The following KAZN variants were observed in gnomAD, a reference collection of about 807,000 sequenced individuals.
The protein encoded by KAZN is kazrin.
Under a neutral mutation model 87.4 loss-of-function variants are expected in KAZN, and 40 were observed. That is an observed-to-expected ratio of 0.46 (90% confidence interval 0.36 to 0.60). The LOEUF (loss-of-function observed/expected upper bound fraction) is 0.60. Ranked by LOEUF, KAZN falls within the 20% of genes least tolerant of loss-of-function variation. The probability of loss-of-function intolerance (pLI) is 0.00; values close to 1 mark genes in which losing one functional copy is unlikely to be tolerated. For synonymous variants in KAZN, 466 were observed against 458.3 expected (o/e 1.02, Z -0.22); for missense variants, 898 against 1,073.9 (o/e 0.84, Z 2.29).
At chr1:14,993,193 C>T (rs111418908) in intron 2 of KAZN, among the ~76,000 whole-genome samples, 3,223 of 150,344 alleles carry the variant, frequency 0.021, 119 homozygotes, top group African/African-American at 0.074. Flanking sequence ...TCAGGCCAGG[C>T]GCGGTGGCTC....
intron 1 of KAZN, among the ~76,000 whole-genome samples, chr1:13,936,096 G>GATTTTTTTTTT (rs1640726491): frequency 1.2e-5 from 1 of 84,838 alleles, no homozygotes; most frequent in Non-Finnish European, 2.2e-5. Flanking sequence ...TACAAGTGCA[G>GATTTTTTTTTT]TTTTTTTTTT....
intron 1 of KAZN, among the ~76,000 whole-genome samples, chr1:14,089,008 A>T (rs1475360627): frequency 6.6e-6 from 1 of 151,628 alleles, no homozygotes; most frequent in African/African-American, 2.4e-5. Context: ...TAAAAAAAAA[A>T]ATCCAGACTT....
At chr1:15,032,906 G>C (rs923898947) in intron 2 of KAZN, among the ~76,000 whole-genome samples, 2 of 151,752 alleles carry the variant, frequency 1.3e-5, no homozygotes, top group African/African-American at 4.8e-5. Flanking sequence ...CCGAAATCGC[G>C]GCACTGTACT....
In KAZN at chr1:14,118,279, C is replaced by A. The variant is rs986102382; in HGVS notation, c.92-62156C>A. 2.6e-5 allele frequency among the ~76,000 whole-genome samples: 4 copies of A among 152,290 alleles called. No individual in the cohort carries two copies. The East Asian group carries it at 7.7e-4, about 29-fold the overall frequency. ...TTAATCCTTTTAGAGAGAAACAAAT[C>A]TATCAGTAGGGGCCAAGGCTCTAGA... On this transcript the variant is annotated intron_variant, in intron 1 of 16. Transcript: ENST00000636203.
At chr1:14,882,680 C>T (rs940526742) in intron 1 of KAZN, among the ~76,000 whole-genome samples, 7 of 152,170 alleles carry the variant, frequency 4.6e-5, no homozygotes, top group South Asian at 2.1e-4. Flanking sequence ...CTTCTTCTCC[C>T]TGCACGTGGA....
At chr1:14,245,558 A>T (rs565416573) in intron 2 of KAZN, among the ~76,000 whole-genome samples, 4 of 152,288 alleles carry the variant, frequency 2.6e-5, no homozygotes, top group African/African-American at 9.6e-5. Context: ...ATTTTTGAAC[A>T]TATATCCCTG....
chr1:14,417,011 T>TGTGTATGTATATATATGTACAC (rs144606714), intron 2 of KAZN, among the ~76,000 whole-genome samples: 11 of 145,598 alleles, frequency 7.6e-5, no homozygotes, highest in African/African-American at 2.8e-4. Context: ...TATATATATG[T>TGTGTATGTATATATATGTACAC]ACACACACAC....
rs915883294 is a variant in KAZN, at chr1:14,668,849, G to A, written c.226+69626G>A. On this transcript the variant is annotated intron_variant, in intron 1 of 14. Coordinates refer to ENST00000376030, the MANE Select transcript of KAZN (RefSeq NM_201628.3). ...TGGCATGAAGCCGGCTGCAGCTCACGCAGCTTGACATCAATTTGTAACTGC... is the reference window on the plus strand; with the variant it reads ...TGGCATGAAGCCGGCTGCAGCTCACACAGCTTGACATCAATTTGTAACTGC... 1.2e-4 allele frequency among the ~76,000 whole-genome samples: 18 copies of A among 152,192 alleles called. No homozygotes were observed. The South Asian group carries it at 1.2e-3, about 10-fold the overall frequency.
At chr1:14,403,702 A>G (rs548410063) in intron 2 of KAZN, among the ~76,000 whole-genome samples, 1 of 152,344 alleles carries the variant, frequency 6.6e-6, no homozygotes, top group East Asian at 1.9e-4. Flanking sequence ...CTGGAACTGC[A>G]ACTAGTAACG....
At chr1:14,381,174 A>G (rs1417341346) in intron 2 of KAZN, among the ~76,000 whole-genome samples, 1 of 152,204 alleles carries the variant, frequency 6.6e-6, no homozygotes, top group Non-Finnish European at 1.5e-5. Context: ...CTGACTATAT[A>G]ATGACAAAGG....
intron 2 of KAZN, among the ~76,000 whole-genome samples, chr1:14,350,061 G>A (rs1190737484): frequency 2.0e-5 from 3 of 150,656 alleles, no homozygotes; most frequent in African/African-American, 4.9e-5. Context: ...GTGAACCTGG[G>A]AGGCGGAGCT....
Position 14,773,619 on chromosome 1 carries a change from C to T in KAZN, c.226+174396C>T, listed in dbSNP as rs935371544. 3.9e-5 allele frequency among the ~76,000 whole-genome samples: 6 copies of T among 152,186 alleles called. No individual in the cohort carries two copies. The highest frequency in any genetic ancestry group is 6.5e-5 in the Admixed American group (1 of 15,278). On this transcript the variant is annotated intron_variant, in intron 1 of 14. Transcript: ENST00000376030. This position sits in a 1 kb window ranked among gnomAD's most constrained non-coding sequence, Gnocchi z 5.9. ...AGGGAGTTGGAAATGAGGTCAGGCA[C>T]CCGCCACCCGGTTCTCCTTCTTCCT... is the stretch of plus-strand genomic sequence containing the variant.
At chr1:13,937,599 C>T (rs904243560) in intron 1 of KAZN, among the ~76,000 whole-genome samples, 3 of 152,172 alleles carry the variant, frequency 2.0e-5, no homozygotes, top group African/African-American at 7.2e-5. Context: ...GTTCTTTGGC[C>T]TATACCAATG....
At chr1:14,027,831 G>T (rs908705597) in intron 1 of KAZN, among the ~76,000 whole-genome samples, 1 of 152,074 alleles carries the variant, frequency 6.6e-6, no homozygotes, top group South Asian at 2.1e-4. Flanking sequence ...TCTCTCTAAG[G>T]CTGGTGATGA....
At chr1:14,478,255 AAGGAAG>A (rs1299011084) in intron 2 of KAZN, among the ~76,000 whole-genome samples, 1 of 142,550 alleles carries the variant, frequency 7.0e-6, no homozygotes, top group African/African-American at 2.6e-5. Flanking sequence ...GAAAAGAAGG[AAGGAAG>A]GAAGGAAGGA....
Position 14,371,148 on chromosome 1 carries a change from T to C in KAZN, c.249+190556T>C, listed in dbSNP as rs183635921. ...CTTACTAAAACACAGCTGGGCCCCA[T>C]CTCAGAGTTCCAGGTTCAGTTAGTT... On this transcript the variant is annotated intron_variant, in intron 2 of 16. Transcript: ENST00000636203. Among the ~76,000 whole-genome samples the C allele has an allele frequency of 2.9e-3, 439 of 152,248 alleles. 3 individuals carry two copies. The highest frequency in any genetic ancestry group is 0.01 in the African/African-American group (419 of 41,532).
chr1:14,497,980 C>G (rs1170988692), intron 2 of KAZN, among the ~76,000 whole-genome samples: 1 of 152,324 alleles, frequency 6.6e-6, no homozygotes, highest in East Asian at 1.9e-4. Flanking sequence ...TCAAGCTTTG[C>G]AGCCTGGCAC....
At chr1:14,673,377 G>A (rs1640030391) in intron 1 of KAZN, among the ~76,000 whole-genome samples, 1 of 152,226 alleles carries the variant, frequency 6.6e-6, no homozygotes, top group Admixed American at 6.5e-5. Context: ...GTGGCCCATT[G>A]CACTGAGCCT....
intron 2 of KAZN, among the ~76,000 whole-genome samples, chr1:14,234,445 C>G (rs1476310722): frequency 6.6e-6 from 1 of 152,070 alleles, no homozygotes; most frequent in Non-Finnish European, 1.5e-5. Flanking sequence ...AGGAGAAATA[C>G]CTAATGTAGA....
Sources: gnomAD v4.1 joint callset for allele counts (sites outside exome capture counted in the v4.1 genomes callset) on GRCh38, gnomAD v4.1.1 for gene constraint, Gnocchi (gnomAD v3.1) non-coding constraint, MANE v1.5 for transcripts, NCBI Gene and HGNC (gene_info 2026-07-23, HGNC 2026-07-21) for gene names.